The following SCN4A variants were observed in gnomAD, a reference collection of about 807,000 sequenced individuals.
SCN4A encodes sodium voltage-gated channel alpha subunit 4.
Under a neutral mutation model 162.0 loss-of-function variants are expected in SCN4A, and 83 were observed. That is an observed-to-expected ratio of 0.51 (90% CI 0.43 to 0.61). The LOEUF (loss-of-function observed/expected upper bound fraction) is 0.61. SCN4A is among the 20% of genes least tolerant of loss of function. The pLI is 0.00. For missense variants in SCN4A, 2,196 were observed against 2,462.5 expected (o/e 0.89, Z 2.29); for synonymous variants, 944 against 985.1 (o/e 0.96, Z 0.78).
intron 22 of SCN4A, among the ~76,000 whole-genome samples, 153 bp from the exon 23 acceptor site, chr17:63,943,249 G>A (rs1332360100): frequency 6.6e-6 from 1 of 151,986 alleles, no homozygotes; most frequent in East Asian, 1.9e-4. Flanking sequence ...AGGAGGTGTT[G>A]GGGGTTGTGG....
chr17:63,971,450 G>T (rs573871008), intron 4 of SCN4A, among the ~76,000 whole-genome samples, 197 bp from the exon 5 acceptor site: 18 of 152,284 alleles, frequency 1.2e-4, no homozygotes, highest in Non-Finnish European at 1.3e-4. Context: ...GAGCTCTGGG[G>T]GAGTGGGGAT....
chr17:63,947,816 C>T (rs902063352), intron 17 of SCN4A, 74 bp downstream of exon 17: 18 of 1,490,222 alleles, frequency 1.2e-5, no homozygotes, highest in Non-Finnish European at 1.5e-5. Context: ...CCCTTCAGGG[C>T]GTGGGCTTCC....
Position 63,941,677 on chromosome 17 carries a change from C to T in SCN4A, c.4605G>A (p.Ser1535=), listed in dbSNP as rs182438287. The change falls in exon 24 of 24, where the codon TCG becomes TCA. Residue 1535 remains serine (S), a synonymous_variant. Coordinates refer to ENST00000435607, the MANE Select transcript of SCN4A (RefSeq NM_000334.4). The surrounding 1 kb of genome is among the most constrained non-coding windows in gnomAD (Gnocchi z 6.2). The part of the protein sequence containing the change: ...SIICLFEITT[S]AGWDGLLNPI... ...GGTTGAGGAGCCCGTCCCAGCCGGC[C>T]GACGTGGTGATCTCGAACAGGCAGA... The T allele has an allele frequency of 2.4e-5, 39 of 1,613,950 alleles. No individual in the cohort carries two copies. The highest frequency in any genetic ancestry group is 1.6e-4 in the African/African-American group (12 of 74,888).
chr17:63,967,762 A>G lies in SCN4A; in HGVS notation c.1036+261T>C, dbSNP rs991064377. Among the ~76,000 whole-genome samples the G allele has an allele frequency of 5.3e-5, 8 of 151,936 alleles. No homozygotes were observed. In the South Asian group the frequency reaches 8.3e-4, roughly 16 times the overall value. ...AGCCTGGCCAACATGATGTAACCCT[A>G]TCTTTACTAAAAATACAAAAATTAA... On this transcript the variant is annotated intron_variant, in intron 6 of 23. Coordinates refer to ENST00000435607, the MANE Select transcript of SCN4A (RefSeq NM_000334.4).
intron 22 of SCN4A, 86 bp from the exon 23 acceptor site, chr17:63,943,182 AC>A: frequency 7.3e-7 from 1 of 1,362,664 alleles, no homozygotes; most frequent in Non-Finnish European, 1.0e-6. Flanking sequence ...ACAGGATGGC[AC>A]CACAGCATGA....
chr17:63,967,271 G>A (rs1229354506), intron 6 of SCN4A, among the ~76,000 whole-genome samples: 3 of 152,090 alleles, frequency 2.0e-5, no homozygotes, highest in African/African-American at 7.2e-5. Context: ...TCCTGCCTCA[G>A]CCTCTGGAGT....
intron 18 of SCN4A, 75 bp downstream of exon 18, chr17:63,946,970 T>C: frequency 3.6e-6 from 5 of 1,394,758 alleles, no homozygotes; most frequent in Non-Finnish European, 4.9e-6. Context: ...AGTATAGACA[T>C]GCACCCTCCA....
chr17:63,941,905 C>T lies in SCN4A; in HGVS notation c.4377G>A (p.Leu1459=). The change falls in exon 24 of 24, where the codon CTG becomes CTA. Residue 1459 remains leucine, a synonymous_variant. Transcript: ENST00000435607. This position sits in a 1 kb window ranked among gnomAD's most constrained non-coding sequence, Gnocchi z 6.2. The stretch of plus-strand genomic sequence containing the variant: ...TGCCCTTGGCCCCGCGGATCAGCCG[C>T]AGGACACGCCCAATCCGCGCCAGGC... ...VIRLARIGRV[L]RLIRGAKGIR... 1 of 1,612,760 alleles carries T rather than the reference C, an allele frequency of 6.2e-7. No individual in the cohort carries two copies.
At position 63,972,744 on chromosome 17, in the gene SCN4A, A is replaced by G. The variant is rs921149749; in HGVS notation, c.98T>C (p.Val33Ala). 1 of 1,613,244 alleles carries G rather than the reference A, an allele frequency of 6.2e-7. No homozygotes were observed. Among genetic ancestry groups the G allele is most frequent in the African/African-American group, 1.3e-5 (1 of 74,796 alleles). ...CCGCTGCAGCCGGGCCTCCTCCTCC[A>G]CCGCCCGCTGTTCTATGGCTGCCAG... is the stretch of plus-strand genomic sequence containing the variant. ...ESLAAIEQRA[V>A]EEEARLQRNK... is the part of the protein sequence containing the mutation. The change falls in exon 1 of 24, where the codon GTG becomes GCG. Residue 33 changes from valine (V) to alanine (A), a missense_variant. By Grantham distance (64) the Val-to-Ala change is moderately conservative (BLOSUM62 0). Coordinates refer to ENST00000435607, the MANE Select transcript of SCN4A (RefSeq NM_000334.4). This position sits in a 1 kb window ranked among gnomAD's most constrained non-coding sequence, Gnocchi z 4.3.
intron 13 of SCN4A, among the ~76,000 whole-genome samples, chr17:63,952,610 A>G (rs1597974385): frequency 6.6e-6 from 1 of 152,196 alleles, no homozygotes; most frequent in South Asian, 2.1e-4. Context: ...GCACTCCTGG[A>G]GTGCAGAAGC....
intron 17 of SCN4A, 104 bp downstream of exon 17, chr17:63,947,786 G>A (rs1476778639): frequency 1.8e-6 from 2 of 1,119,162 alleles, no homozygotes; most frequent in Non-Finnish European, 1.3e-6. Flanking sequence ...GACTCTGGGG[G>A]TGGCCTCGGG....
Position 63,967,895 on chromosome 17 carries a change from T to C in SCN4A, c.1036+128A>G, listed in dbSNP as rs1430880325. On this transcript the variant is annotated intron_variant, in intron 6 of 23. Transcript: ENST00000435607. The stretch of plus-strand genomic sequence containing the variant: ...TTGTAGTGAGCTGAGATGGCACCTT[T>C]GCACTCCAGCCTGGGTGACAAGAGT... 5 of 805,014 alleles carry C rather than the reference T, an allele frequency of 6.2e-6. No homozygotes were observed. The Admixed American group carries it at 1.2e-4, about 19-fold the overall frequency. The allele number at this position is 805,014 out of a possible 1,614,324, so 49.9% of individuals were successfully genotyped here. A position where few individuals can be genotyped will look rare whatever the true frequency, so the allele number is the denominator to read the frequency against.
chr17:63,943,681 C>A (rs1401496143), intron 22 of SCN4A, 65 bp downstream of exon 22: 2 of 1,034,672 alleles, frequency 1.9e-6, no homozygotes, highest in Non-Finnish European at 3.0e-6. Context: ...AACCTTTTAC[C>A]CCCATCAGTC....
At chr17:63,947,353 C>T (rs569696230) in intron 17 of SCN4A, among the ~76,000 whole-genome samples, 186 bp from the exon 18 acceptor site, 23 of 152,330 alleles carry the variant, frequency 1.5e-4, no homozygotes, top group Middle Eastern at 3.4e-3. Context: ...AGGAGCCTGG[C>T]ACCACCTCAG....
chr17:63,945,423 G>C lies in SCN4A; in HGVS notation c.3657C>G (p.Arg1219=). The part of the protein sequence containing the change: ...CESLMHTGQV[R]WLNVKVNYDN... The stretch of plus-strand genomic sequence containing the variant: ...CGTAGTTGACCTTGACATTGAGCCA[G>C]CGGACCTGGCCTGTGTGCATGAGGC... Residue 1219 remains arginine, a synonymous_variant, in exon 19 of 24, where the codon CGC becomes CGG. Coordinates refer to ENST00000435607, the MANE Select transcript of SCN4A (RefSeq NM_000334.4). This position sits in a 1 kb window ranked among gnomAD's most constrained non-coding sequence, Gnocchi z 4.4. 1 of 1,613,942 alleles carries C rather than the reference G, an allele frequency of 6.2e-7. No homozygotes were observed. Among genetic ancestry groups the C allele is most frequent in the East Asian group, 2.2e-5 (1 of 44,872 alleles).
Position 63,972,837 on chromosome 17 carries a change from G to A in SCN4A, c.5C>T (p.Ala2Val), listed in dbSNP as rs573062322. The change falls in exon 1 of 24, where the codon GCC (alanine) becomes GTC (valine). Residue 2 changes from alanine to valine, a missense_variant. By Grantham distance (64) the Ala-to-Val change is moderately conservative (BLOSUM62 0). Coordinates refer to ENST00000435607, the MANE Select transcript of SCN4A (RefSeq NM_000334.4). This position sits in a 1 kb window ranked among gnomAD's most constrained non-coding sequence, Gnocchi z 4.3. MARPSLCTLVPL... is the reference protein window; with the variant it reads MVRPSLCTLVPL... ...CACCAGGGTGCACAGAGATGGTCTG[G>A]CCATCCTCGCATCCTGGGCTCAGAG... 19 of 1,607,122 alleles carry A rather than the reference G, an allele frequency of 1.2e-5. No individual in the cohort carries two copies. The highest frequency in any genetic ancestry group is 1.4e-5 in the Non-Finnish European group (17 of 1,175,852).
rs1396119458 is a variant in SCN4A at position 63,941,998 on chromosome 17, G to A, written c.4289-5C>T. On this transcript the variant is annotated splice_polypyrimidine_tract_variant and splice_region_variant and intron_variant, in intron 23 of 23. Transcript: ENST00000435607. This position sits in a 1 kb window ranked among gnomAD's most constrained non-coding sequence, Gnocchi z 6.2. ...TCAGGTCAGAGAGGGCAAGGCCTGC[G>A]GGGAGAAGCTAGTGAGGACGCTGCC... is the stretch of plus-strand genomic sequence containing the variant. 9.0e-6 allele frequency: 14 copies of A among 1,557,934 alleles called. No individual in the cohort carries two copies. The highest frequency in any genetic ancestry group is 1.4e-5 in the African/African-American group (1 of 73,906).
Position 63,965,006 on chromosome 17 carries a change from A to G in SCN4A, c.1243-329T>C, listed in dbSNP as rs189940578. On this transcript the variant is annotated intron_variant, in intron 8 of 23. Coordinates refer to ENST00000435607, the MANE Select transcript of SCN4A (RefSeq NM_000334.4). Reference sequence around the variant, plus strand: ...TTTGCCACAGTGCCTGGCACCTAGTAAGAACTCAACAAATAGTAGCTATTA... The same window carrying G: ...TTTGCCACAGTGCCTGGCACCTAGTGAGAACTCAACAAATAGTAGCTATTA... Among the ~76,000 whole-genome samples the G allele has an allele frequency of 3.9e-5, 6 of 152,314 alleles. No homozygotes were observed. In the East Asian group the frequency reaches 1.2e-3, roughly 29 times the overall value.
At position 63,972,358 on chromosome 17, in the gene SCN4A, A is replaced by G. The variant is rs369652972; in HGVS notation, c.386T>C (p.Ile129Thr). The change falls in exon 2 of 24, where the codon ATC (isoleucine) becomes ACC (threonine). Residue 129 changes from isoleucine (I) to threonine (T), a missense_variant. By Grantham distance (89) the Ile-to-Thr change is moderately conservative (BLOSUM62 -1). Transcript: ENST00000435607. The surrounding 1 kb of genome is among the most constrained non-coding windows in gnomAD (Gnocchi z 4.3). ...CCCATCTTGGGCAGGATATGCATGG[A>G]TGAGCACCTTGATGGCCCCGCGCCT... Reference protein sequence around the residue: ...VVRRGAIKVLIHALFSMFIMI... With the variant: ...VVRRGAIKVLTHALFSMFIMI... The G allele has an allele frequency of 4.0e-5, 65 of 1,613,510 alleles. No homozygotes were observed. The highest frequency in any genetic ancestry group is 5.3e-5 in the Non-Finnish European group (62 of 1,179,682).
Sources: gnomAD v4.1 joint callset for allele counts (sites outside exome capture counted in the v4.1 genomes callset) on GRCh38, gnomAD v4.1.1 for gene constraint, Gnocchi (gnomAD v3.1) non-coding constraint, MANE v1.5 for transcripts, NCBI Gene and HGNC (gene_info 2026-07-23, HGNC 2026-07-21) for gene names.